The following TMA16 variants were observed in gnomAD, a reference collection of about 807,000 sequenced individuals.
The protein encoded by TMA16 is translation machinery-associated protein 16.
Under a neutral mutation model 27.1 loss-of-function variants are expected in TMA16, and 26 were observed. That is an observed-to-expected ratio of 0.96 (90% CI 0.70 to 1.33). The LOEUF is 1.33. Ranked by LOEUF, TMA16 falls within the 40% of genes most tolerant of loss-of-function variation. TMA16 has a pLI of 0.00. For synonymous variants in TMA16, 71 were observed against 81.9 expected, an observed-to-expected ratio of 0.87 and a Z score of 0.72; for missense variants, 233 against 241.4, an observed-to-expected ratio of 0.97 and a Z score of 0.23.
rs188856125 is a variant in TMA16, at chr4:163,508,397, A to G, written c.116+1252A>G. 5.3e-5 allele frequency among the ~76,000 whole-genome samples: 8 copies of G among 152,326 alleles called. No individual in the cohort carries two copies. In the South Asian group the frequency reaches 1.4e-3, roughly 28 times the overall value. On this transcript the variant is annotated intron_variant, in intron 2 of 6. Transcript: ENST00000358572. ...CTGGTTTAGGGACCACACTATGAGA[A>G]TCACTGACCTATACTATTATTTATT...
chr4:163,515,585 TC>T, intron 5 of TMA16, 124 bp downstream of exon 5: 1 of 1,302,716 alleles, frequency 7.7e-7, no homozygotes, highest in South Asian at 1.6e-5. Flanking sequence ...GATGTCTTTT[TC>T]TTTGTGAGGG....
Position 163,515,486 on chromosome 4 carries a change from C to T in TMA16, c.388+25C>T, listed in dbSNP as rs752432517. 32 of 1,597,490 alleles carry T rather than the reference C, an allele frequency of 2.0e-5. No individual in the cohort carries two copies. The Middle Eastern group carries it at 6.7e-4, about 33-fold the overall frequency. On this transcript the variant is annotated intron_variant, in intron 5 of 6. Transcript: ENST00000358572. ...GGTGTGCTCACTGATTTTTTATTTT[C>T]CTTTTATATGACATAGCAGTATCAA... is the stretch of plus-strand genomic sequence containing the variant.
In TMA16 at chr4:163,519,385, T is replaced by C. The variant is rs777928712; in HGVS notation, c.483T>C (p.Ile161=). ...TACCAAACATTAAAATGAGAAAAAT[T>C]TGCGCTAATGATGCAATTCCCAAGA... ...KKLPNIKMRK[I]CANDAIPKTC... Residue 161 remains isoleucine, a synonymous_variant, in exon 7 of 7, where the codon ATT becomes ATC. Coordinates refer to ENST00000358572, the MANE Select transcript of TMA16 (RefSeq NM_018352.3). 27 of 1,605,726 alleles carry C rather than the reference T, an allele frequency of 1.7e-5. No individual in the cohort carries two copies. The highest frequency in any genetic ancestry group is 2.0e-5 in the Non-Finnish European group (24 of 1,177,190).
At chr4:163,510,506 G>A (rs1051706655) in intron 2 of TMA16, among the ~76,000 whole-genome samples, 4 of 152,072 alleles carry the variant, frequency 2.6e-5, no homozygotes, top group African/African-American at 7.2e-5. Context: ...TTGTGCCAGC[G>A]TCTTTCACGT....
chr4:163,496,754 C>A (rs919225208), intron 1 of TMA16, among the ~76,000 whole-genome samples: 1 of 152,026 alleles, frequency 6.6e-6, no homozygotes, highest in African/African-American at 2.4e-5. Flanking sequence ...CCAGCCACCA[C>A]ACCCAGCTAA....
At chr4:163,505,081 C>T (rs891879417) in intron 1 of TMA16, among the ~76,000 whole-genome samples, 9 of 152,102 alleles carry the variant, frequency 5.9e-5, no homozygotes, top group Admixed American at 4.6e-4. Flanking sequence ...AAAAGTGAGT[C>T]GGTAGGTCCA....
At chr4:163,516,099 T>C (rs2320616) in intron 5 of TMA16, 118,644 of 152,130 alleles carry the variant, frequency 0.78, 46,727 homozygotes, top group East Asian at 0.89. Flanking sequence ...CACTCTTTCC[T>C]GCTAAAGTCT....
intron 4 of TMA16, 125 bp downstream of exon 4, chr4:163,514,283 A>T: frequency 1.4e-6 from 1 of 736,430 alleles, no homozygotes; most frequent in Non-Finnish European, 2.1e-6. Flanking sequence ...CAGGAAGACT[A>T]TTTCCTGGCT....
rs780430922 is a variant in TMA16 at position 163,519,350 on chromosome 4, C to G, written c.448C>G (p.Leu150Val). The G allele has an allele frequency of 8.9e-6, 14 of 1,575,222 alleles. No individual in the cohort carries two copies. Among genetic ancestry groups the G allele is most frequent in the African/African-American group, 1.4e-5 (1 of 71,818 alleles). Residue 150 changes from leucine to valine, a missense_variant, in exon 7 of 7, where the codon CTG becomes GTG. Transcript: ENST00000358572. Reference protein sequence around the residue: ...LKTFREWDFDLKKLPNIKMRK... With the variant: ...LKTFREWDFDVKKLPNIKMRK... ...TTTGTCTAGGGAATGGGACTTTGATCTGAAGAAATTACCAAACATTAAAAT... is the reference window on the plus strand; with the variant it reads ...TTTGTCTAGGGAATGGGACTTTGATGTGAAGAAATTACCAAACATTAAAAT...
At position 163,517,434 on chromosome 4, in the gene TMA16, A is replaced by C; in HGVS notation, c.389A>C (p.Glu130Ala). ...GGAGATAAATTACTTTCTTTTCCAG[A>C]GATTCCAGACATTCTAAATGCAAGT... ...ERQQFEGYGL[E>A]IPDILNASNL... Residue 130 changes from glutamate (E) to alanine (A), a missense_variant and splice_region_variant, in exon 6 of 7, where the codon GAG becomes GCG. Coordinates refer to ENST00000358572, the MANE Select transcript of TMA16 (RefSeq NM_018352.3). 1.2e-6 allele frequency: 2 copies of C among 1,612,610 alleles called. No homozygotes were observed. The highest frequency in any genetic ancestry group is 1.7e-6 in the Non-Finnish European group (2 of 1,179,142).
Position 163,519,378 on chromosome 4 carries a change from G to C in TMA16, c.476G>C (p.Arg159Thr), listed in dbSNP as rs1737934224. 28 of 1,603,248 alleles carry C rather than the reference G, an allele frequency of 1.7e-5. No individual in the cohort carries two copies. Among genetic ancestry groups the C allele is most frequent in the Non-Finnish European group, 2.3e-5 (27 of 1,176,268 alleles). ...AAGAAATTACCAAACATTAAAATGA[G>C]AAAAATTTGCGCTAATGATGCAATT... The part of the protein sequence containing the change: ...DLKKLPNIKM[R>T]KICANDAIPK... Residue 159 changes from arginine (R) to threonine (T), a missense_variant, in exon 7 of 7, where the codon AGA (arginine) becomes ACA (threonine). Physicochemically the swap from Arg to Thr is moderately conservative, Grantham distance 71 (BLOSUM62 -1). Transcript: ENST00000358572.
chr4:163,516,400 T>C (rs1170504547), intron 5 of TMA16, among the ~76,000 whole-genome samples: 2 of 152,254 alleles, frequency 1.3e-5, no homozygotes, highest in African/African-American at 2.4e-5. Flanking sequence ...TCATTAAGAT[T>C]CCTTTACAAA....
rs1281884388 is a variant in TMA16 at position 163,519,585 on chromosome 4, T to A, written c.*71T>A. ...TATATTCATTGATTATGGTACCTAA[T>A]TGTCATGATACAAAAATTTGATACT... is the stretch of plus-strand genomic sequence containing the variant. On this transcript the variant is annotated 3_prime_UTR_variant, in exon 7 of 7. Coordinates refer to ENST00000358572, the MANE Select transcript of TMA16 (RefSeq NM_018352.3). 7.1e-7 allele frequency: 1 copy of A among 1,407,680 alleles called. No individual in the cohort carries two copies. Among genetic ancestry groups the A allele is most frequent in the African/African-American group, 1.5e-5 (1 of 66,366 alleles). The allele number at this position is 1,407,680 out of a possible 1,614,324, so 87.2% of individuals were successfully genotyped here. A position where few individuals can be genotyped will look rare whatever the true frequency, so the allele number is the denominator to read the frequency against.
chr4:163,517,301 A>G (rs1737895062), intron 5 of TMA16, 133 bp from the exon 6 acceptor site: 7 of 790,584 alleles, frequency 8.9e-6, no homozygotes, highest in Non-Finnish European at 1.0e-5. Flanking sequence ...CAAATTTTTC[A>G]TGTTAATTAC....
At chr4:163,509,070 A>G (rs1395264046) in intron 2 of TMA16, among the ~76,000 whole-genome samples, 1 of 152,170 alleles carries the variant, frequency 6.6e-6, no homozygotes, top group African/African-American at 2.4e-5. Flanking sequence ...CTTAGTAGTC[A>G]TGGCTCTAGA....
At position 163,512,830 on chromosome 4, in the gene TMA16, A is replaced by G. The variant is rs78758199; in HGVS notation, c.125A>G (p.Asn42Ser). Residue 42 changes from asparagine to serine, a missense_variant, in exon 3 of 7, where the codon AAT (asparagine) becomes AGT (serine). Coordinates refer to ENST00000358572, the MANE Select transcript of TMA16 (RefSeq NM_018352.3). The part of the protein sequence containing the change: ...HKQEKKEKLK[N>S]EKALRLNLVG... ...TTACCTTTCCTTCAAAGATTGAAGA[A>G]TGAAAAGGCCTTGCGTCTCAACCTT... 1.9e-6 allele frequency: 3 copies of G among 1,601,492 alleles called. No homozygotes were observed. In the African/African-American group the frequency reaches 4.0e-5, roughly 21 times the overall value.
chr4:163,506,243 A>C (rs1737717314), intron 1 of TMA16, among the ~76,000 whole-genome samples: 1 of 152,196 alleles, frequency 6.6e-6, no homozygotes, highest in Non-Finnish European at 1.5e-5. Context: ...AAAAAAATGG[A>C]AGGATCCTGG....
chr4:163,519,228 T>C (rs963269509), intron 6 of TMA16, 106 bp from the exon 7 acceptor site: 37 of 1,027,432 alleles, frequency 3.6e-5, no homozygotes, highest in Non-Finnish European at 5.0e-5. Flanking sequence ...TTTTGAAGTT[T>C]TGAATATGTA....
At chr4:163,506,124 G>A (rs991602780) in intron 1 of TMA16, among the ~76,000 whole-genome samples, 1 of 152,162 alleles carries the variant, frequency 6.6e-6, no homozygotes, top group Non-Finnish European at 1.5e-5. Context: ...CTTAAAAAAA[G>A]GGGATGTACC....
Sources: allele counts gnomAD v4.1 joint callset (sites outside exome capture counted in the v4.1 genomes callset), GRCh38; gene constraint gnomAD v4.1.1; transcripts MANE v1.5; gene names NCBI Gene and HGNC (gene_info 2026-07-23, HGNC 2026-07-21).